The following C7orf78 variants were observed in gnomAD, a reference collection of about 807,000 sequenced individuals.
The protein encoded by C7orf78 is chromosome 7 open reading frame 78, also known as putative uncharacterized protein C7orf78.
At chr7:12,511,918 ATTTTTTTT>A in the C7orf78 span, among the ~76,000 whole-genome samples, 28 of 80,564 alleles carry the variant, frequency 3.5e-4, no homozygotes, top group African/African-American at 6.6e-4. Flanking sequence ...CACCTGGCTA[ATTTTTTTT>A]TTTTTTTTTT....
At chr7:12,529,123 T>C in the C7orf78 span, 1 of 397,662 alleles carries the variant, frequency 2.5e-6, no homozygotes, top group Non-Finnish European at 4.4e-6. Flanking sequence ...CAGGAGTTTT[T>C]TATTTGTTGT....
chr7:12,499,415 G>T, the C7orf78 span, among the ~76,000 whole-genome samples: 1 of 151,296 alleles, frequency 6.6e-6, no homozygotes, highest in South Asian at 2.1e-4. Flanking sequence ...ACAAAAAAAG[G>T]CAGGGGTTGC....
At chr7:12,505,616 T>TTCAG in the C7orf78 span, among the ~76,000 whole-genome samples, 1 of 152,176 alleles carries the variant, frequency 6.6e-6, no homozygotes, top group Non-Finnish European at 1.5e-5. Flanking sequence ...GTGCAACATC[T>TTCAG]TGGACAACCT....
the C7orf78 span, among the ~76,000 whole-genome samples, chr7:12,534,504 A>G: frequency 0.055 from 8,320 of 152,298 alleles, 270 homozygotes; most frequent in African/African-American, 0.083. Flanking sequence ...CATTAAAACT[A>G]CAAACTTCTG....
the C7orf78 span, among the ~76,000 whole-genome samples, chr7:12,523,580 A>G: frequency 6.6e-6 from 1 of 152,192 alleles, no homozygotes; most frequent in Admixed American, 6.5e-5. Context: ...CTCATGGTAC[A>G]ATACAATTCA....
At chr7:12,503,335 A>G in the C7orf78 span, among the ~76,000 whole-genome samples, 1 of 152,222 alleles carries the variant, frequency 6.6e-6, no homozygotes, top group East Asian at 1.9e-4. Flanking sequence ...AATAATACCA[A>G]TGAATTGATG....
chr7:12,490,841 A>G, the C7orf78 span, among the ~76,000 whole-genome samples: 1 of 152,094 alleles, frequency 6.6e-6, no homozygotes, highest in Admixed American at 6.6e-5. Context: ...TCAGGATGTA[A>G]TTGGAAGACC....
chr7:12,525,894 C>G, the C7orf78 span: 4 of 396,774 alleles, frequency 1.0e-5, no homozygotes, highest in African/African-American at 4.1e-5. Flanking sequence ...AATCACAACA[C>G]TTAAGTACAG....
At chr7:12,527,448 G>C in the C7orf78 span, among the ~76,000 whole-genome samples, 693 of 63,454 alleles carry the variant, frequency 0.011, 69 homozygotes, top group African/African-American at 0.034. Flanking sequence ...CACTCACTTT[G>C]ATAGAAAATG....
At chr7:12,527,252 G>A in the C7orf78 span, among the ~76,000 whole-genome samples, 1 of 100,526 alleles carries the variant, frequency 9.9e-6, no homozygotes. Flanking sequence ...AATGGAACAT[G>A]TCAGCTTTCC....
chr7:12,529,905 GT>G, the C7orf78 span, among the ~76,000 whole-genome samples: 1 of 152,248 alleles, frequency 6.6e-6, no homozygotes, highest in East Asian at 1.9e-4. Flanking sequence ...CTCAGGGGCA[GT>G]TTTGCAGTCA....
the C7orf78 span, among the ~76,000 whole-genome samples, chr7:12,534,908 C>T: frequency 1.3e-5 from 2 of 150,934 alleles, no homozygotes; most frequent in Non-Finnish European, 2.9e-5. Context: ...GTTCTCTCCA[C>T]TGCATTCCGG....
chr7:12,513,783 G>A, the C7orf78 span, among the ~76,000 whole-genome samples: 4 of 151,488 alleles, frequency 2.6e-5, no homozygotes, highest in Non-Finnish European at 5.9e-5. Context: ...GGTGGATCAC[G>A]ACGTCAGGAG....
the C7orf78 span, among the ~76,000 whole-genome samples, chr7:12,499,858 A>G: frequency 3.4e-5 from 5 of 147,474 alleles, no homozygotes; most frequent in African/African-American, 1.2e-4. Flanking sequence ...AATGTAAAAG[A>G]ACAGAAATTA....
the C7orf78 span, among the ~76,000 whole-genome samples, chr7:12,484,754 G>C: frequency 6.6e-6 from 1 of 152,096 alleles, no homozygotes; most frequent in Non-Finnish European, 1.5e-5. Flanking sequence ...ACTTTTATTA[G>C]TACAGCATTC....
chr7:12,498,574 T>C, the C7orf78 span, among the ~76,000 whole-genome samples: 1 of 152,046 alleles, frequency 6.6e-6, no homozygotes, highest in Non-Finnish European at 1.5e-5. Flanking sequence ...CCAAGAAATA[T>C]GGGACTATGT....
the C7orf78 span, among the ~76,000 whole-genome samples, chr7:12,496,115 C>G: frequency 1.4e-4 from 22 of 152,170 alleles, no homozygotes; most frequent in Non-Finnish European, 1.9e-4. Flanking sequence ...TTAGTAGAGA[C>G]GGGGTTTCAC....
At chr7:12,519,717 C>T in the C7orf78 span, among the ~76,000 whole-genome samples, 1 of 152,070 alleles carries the variant, frequency 6.6e-6, no homozygotes, top group African/African-American at 2.4e-5. Context: ...CATTTTTTTT[C>T]CCCAGGGAGT....
chr7:12,509,163 A>T, the C7orf78 span, among the ~76,000 whole-genome samples: 1 of 152,206 alleles, frequency 6.6e-6, no homozygotes, highest in Non-Finnish European at 1.5e-5. Context: ...TATTTTGAAT[A>T]TTAGGTCATT....
Sources: allele counts gnomAD v4.1 joint callset (sites outside exome capture counted in the v4.1 genomes callset), GRCh38; gene constraint gnomAD v4.1.1; transcripts MANE v1.5; gene names NCBI Gene and HGNC (gene_info 2026-07-23, HGNC 2026-07-21).